Variants in PPP1CB observed in about 807,000 individuals in gnomAD.
PPP1CB encodes the protein protein phosphatase 1 catalytic subunit beta.
Under a neutral mutation model 43.7 loss-of-function variants are expected in PPP1CB, and 2 were observed. That is an observed-to-expected ratio of 0.05 (90% confidence interval 0.02 to 0.14). The LOEUF (loss-of-function observed/expected upper bound fraction) is 0.14, where lower values mean the gene tolerates loss of function less well. Ranked by LOEUF, PPP1CB falls within the 10% of genes least tolerant of loss-of-function variation. The pLI, the probability that PPP1CB is intolerant of heterozygous loss-of-function variation, is 1.00. For missense variants in PPP1CB, 84 were observed against 398.0 expected, an observed-to-expected ratio of 0.21 and a Z score of 6.71; for synonymous variants, 136 against 135.6, an observed-to-expected ratio of 1.00 and a Z score of -0.02.
intron 1 of PPP1CB, 114 bp downstream of exon 1, chr2:28,752,290 T>C: frequency 9.7e-7 from 1 of 1,026,644 alleles, no homozygotes; most frequent in Non-Finnish European, 1.4e-6. Context: ...GAGACGAGTC[T>C]CTGGGAGCGC....
chr2:28,779,386 A>G (rs543761399), intron 3 of PPP1CB, among the ~76,000 whole-genome samples: 1 of 152,336 alleles, frequency 6.6e-6, no homozygotes, highest in South Asian at 2.1e-4. Flanking sequence ...GTGGTATGAC[A>G]GCTTTTATTA....
intron 2 of PPP1CB, chr2:28,778,492 C>T: frequency 2.0e-6 from 1 of 489,882 alleles, no homozygotes; most frequent in Non-Finnish European, 4.2e-6. Context: ...CTAAGAGCCT[C>T]AGTTCCAAAT....
At chr2:28,789,516 AG>A (rs1328876411) in intron 6 of PPP1CB, among the ~76,000 whole-genome samples, 2 of 152,128 alleles carry the variant, frequency 1.3e-5, no homozygotes, top group Non-Finnish European at 2.9e-5. Flanking sequence ...CTCAAAAAAA[AG>A]AATGTATTTT....
intron 1 of PPP1CB, among the ~76,000 whole-genome samples, chr2:28,768,231 G>C (rs1479729793): frequency 6.6e-6 from 1 of 152,108 alleles, no homozygotes; most frequent in African/African-American, 2.4e-5. Flanking sequence ...TTTCCCTGGA[G>C]ACATTTCCTA....
At position 28,801,849 on chromosome 2, in the gene PPP1CB, G is replaced by A. The variant is rs1260632948; in HGVS notation, c.*2546G>A. On this transcript the variant is annotated 3_prime_UTR_variant, in exon 8 of 8. Transcript: ENST00000395366. The stretch of plus-strand genomic sequence containing the variant: ...TTATGGTCGATTTCTATTCTTGAAA[G>A]AATCAACTACAGTGAATCCTTTGCA... 2 of 152,132 alleles carry A rather than the reference G, an allele frequency of 1.3e-5. No individual in the cohort carries two copies. The highest frequency in any genetic ancestry group is 2.9e-5 in the Non-Finnish European group (2 of 68,000). 9.4% of individuals were successfully genotyped at this position (152,132 alleles called of 1,614,324 possible).
intron 1 of PPP1CB, among the ~76,000 whole-genome samples, chr2:28,776,016 C>G (rs1667032388): frequency 6.6e-6 from 1 of 151,696 alleles, no homozygotes; most frequent in Admixed American, 6.6e-5. Flanking sequence ...TTCTTTTGAT[C>G]AGAAAGTAGA....
intron 7 of PPP1CB, among the ~76,000 whole-genome samples, chr2:28,795,369 T>G (rs778966135): frequency 1.5e-4 from 23 of 151,312 alleles, no homozygotes; most frequent in Non-Finnish European, 2.8e-4. Context: ...GAATGGTGGT[T>G]GTTTTAAGTT....
chr2:28,767,903 C>T (rs1245744345), intron 1 of PPP1CB, among the ~76,000 whole-genome samples: 1 of 152,134 alleles, frequency 6.6e-6, no homozygotes, highest in Non-Finnish European at 1.5e-5. Flanking sequence ...TTCTGCCTTT[C>T]CTAATGTAAA....
intron 1 of PPP1CB, among the ~76,000 whole-genome samples, chr2:28,762,128 T>A (rs954764633): frequency 6.6e-6 from 1 of 151,990 alleles, no homozygotes; most frequent in Non-Finnish European, 1.5e-5. Flanking sequence ...CCTAAAAATA[T>A]AAAAAAGTTA....
intron 1 of PPP1CB, among the ~76,000 whole-genome samples, chr2:28,771,055 C>CCTT (rs1558302176): frequency 5.0e-5 from 3 of 59,598 alleles, no homozygotes; most frequent in African/African-American, 1.3e-4. Flanking sequence ...CCCCCCCACC[C>CCTT]TTTTTTTTTT....
At chr2:28,768,305 A>G (rs1462378978) in intron 1 of PPP1CB, among the ~76,000 whole-genome samples, 1 of 152,148 alleles carries the variant, frequency 6.6e-6, no homozygotes, top group East Asian at 1.9e-4. Context: ...CTAAGGAAGA[A>G]AGGTGGAAGT....
chr2:28,756,587 G>C (rs1666493957), intron 1 of PPP1CB, among the ~76,000 whole-genome samples: 1 of 152,148 alleles, frequency 6.6e-6, no homozygotes, highest in South Asian at 2.1e-4. Context: ...GGTCTCAATC[G>C]ATCCTTCTGC....
chr2:28,758,056 T>TG, intron 1 of PPP1CB, among the ~76,000 whole-genome samples: 1 of 151,768 alleles, frequency 6.6e-6, no homozygotes, highest in East Asian at 1.9e-4. Flanking sequence ...TAATTTTTTT[T>TG]TTTTTTGGAG....
intron 1 of PPP1CB, among the ~76,000 whole-genome samples, chr2:28,753,984 C>T (rs1411365740): frequency 6.6e-6 from 1 of 152,178 alleles, no homozygotes; most frequent in African/African-American, 2.4e-5. Context: ...GATCCACCCG[C>T]TTCAGCCTCC....
intron 6 of PPP1CB, among the ~76,000 whole-genome samples, chr2:28,792,916 C>G (rs1243725256): frequency 6.6e-6 from 1 of 151,826 alleles, no homozygotes; most frequent in Non-Finnish European, 1.5e-5. Context: ...GAAATGTTAA[C>G]TCATCAAGGC....
intron 5 of PPP1CB, among the ~76,000 whole-genome samples, chr2:28,785,064 GCT>G (rs1667233997): frequency 2.1e-5 from 2 of 93,814 alleles, no homozygotes; most frequent in South Asian, 7.3e-4. Flanking sequence ...TGTGTTAGGA[GCT>G]TTTTTTTTTT....
intron 7 of PPP1CB, among the ~76,000 whole-genome samples, chr2:28,795,768 A>G (rs1277551864): frequency 6.6e-6 from 1 of 151,736 alleles, no homozygotes; most frequent in Non-Finnish European, 1.5e-5. Context: ...TTGATAGTTT[A>G]TTTTGCTGTG....
At chr2:28,759,819 G>A (rs1350606855) in intron 1 of PPP1CB, among the ~76,000 whole-genome samples, 2 of 151,978 alleles carry the variant, frequency 1.3e-5, no homozygotes, top group African/African-American at 4.8e-5. Context: ...GGGTTTCACC[G>A]TGTTAGCCAG....
At chr2:28,779,062 A>G (rs1479985580) in intron 3 of PPP1CB, 23 bp downstream of exon 3, 1 of 1,488,058 alleles carries the variant, frequency 6.7e-7, no homozygotes, top group South Asian at 1.2e-5. Context: ...AAAGACTTAG[A>G]AAAGTAATTC....
Sources: gnomAD v4.1 joint callset for allele counts (sites outside exome capture counted in the v4.1 genomes callset) on GRCh38, gnomAD v4.1.1 for gene constraint, MANE v1.5 for transcripts, NCBI Gene and HGNC (gene_info 2026-07-23, HGNC 2026-07-21) for gene names.